Variants in KCNAB1 observed in about 807,000 individuals in gnomAD.
KCNAB1 encodes voltage-gated potassium channel subunit beta-1.
In KCNAB1, 35 loss-of-function variants were observed where a neutral mutation model predicts 64.6. The observed-to-expected ratio is 0.54, with a 90% CI of 0.41 to 0.72. The LOEUF (loss-of-function observed/expected upper bound fraction) is 0.72. Ranked by LOEUF, KCNAB1 falls within the 30% of genes least tolerant of loss-of-function variation. The pLI is 0.00. For synonymous variants in KCNAB1, 177 were observed against 183.8 expected, an observed-to-expected ratio of 0.96 and a Z score of 0.30; for missense variants, 401 against 512.9, an observed-to-expected ratio of 0.78 and a Z score of 2.11.
chr3:156,393,591 T>C (rs1713205818), intron 1 of KCNAB1, among the ~76,000 whole-genome samples: 1 of 152,222 alleles, frequency 6.6e-6, no homozygotes, highest in African/African-American at 2.4e-5. Flanking sequence ...GCAGGCTTTT[T>C]CAACGTGAGA....
chr3:156,179,072 C>T (rs1712603319), intron 1 of KCNAB1, among the ~76,000 whole-genome samples: 1 of 151,276 alleles, frequency 6.6e-6, no homozygotes, highest in Admixed American at 6.6e-5. Context: ...ATGTGCTTCT[C>T]CACTCCAGTG....
chr3:156,510,066 C>T (rs958434332), intron 8 of KCNAB1, among the ~76,000 whole-genome samples: 4 of 152,194 alleles, frequency 2.6e-5, no homozygotes, highest in African/African-American at 9.7e-5. Flanking sequence ...GCAATTTCTC[C>T]CTGCTTTTGA....
At chr3:156,395,768 A>G (rs1236610484) in intron 1 of KCNAB1, among the ~76,000 whole-genome samples, 2 of 151,948 alleles carry the variant, frequency 1.3e-5, no homozygotes, top group Non-Finnish European at 2.9e-5. Flanking sequence ...CTCTCTTTGG[A>G]TTTAAATATG....
At chr3:156,256,349 T>G (rs1718100646) in intron 1 of KCNAB1, among the ~76,000 whole-genome samples, 1 of 152,256 alleles carries the variant, frequency 6.6e-6, no homozygotes, top group African/African-American at 2.4e-5. Context: ...AGAATGGCAC[T>G]ATCCCGTTCA....
chr3:156,416,120 C>T (rs1715056005), intron 1 of KCNAB1, among the ~76,000 whole-genome samples: 1 of 152,194 alleles, frequency 6.6e-6, no homozygotes, highest in African/African-American at 2.4e-5. Flanking sequence ...CCATCCTCTC[C>T]ACTCCACTAA....
chr3:156,476,832 T>C (rs902221389), intron 8 of KCNAB1, among the ~76,000 whole-genome samples: 7 of 152,188 alleles, frequency 4.6e-5, no homozygotes, highest in Non-Finnish European at 7.3e-5. Flanking sequence ...TAGTCTGCAA[T>C]AGTGTCAAGT....
At chr3:156,410,263 G>A (rs7642628) in intron 1 of KCNAB1, among the ~76,000 whole-genome samples, 1 of 151,886 alleles carries the variant, frequency 6.6e-6, no homozygotes, top group Non-Finnish European at 1.5e-5. Flanking sequence ...CTCATAACCC[G>A]GTGAAAAACA....
intron 1 of KCNAB1, among the ~76,000 whole-genome samples, chr3:156,367,277 G>A (rs980810982): frequency 8.1e-5 from 12 of 148,128 alleles, no homozygotes; most frequent in South Asian, 2.2e-4. Context: ...CTGGGTTCAC[G>A]CCATTCTCCT....
Position 156,146,566 on chromosome 3 carries a change from AGC to A in KCNAB1, c.275+25681_275+25682del, listed in dbSNP as rs566256183. ...AGAAACTTAAACAGATATAAAATGA[AGC>A]TCTAATCCAGGGACAACACTTTTCC... On this transcript the variant is annotated intron_variant, in intron 1 of 13. Transcript: ENST00000490337. 2.2e-3 allele frequency among the ~76,000 whole-genome samples: 334 copies of A among 152,328 alleles called. 2 individuals carry two copies. The highest frequency in any genetic ancestry group is 7.6e-3 in the African/African-American group (317 of 41,572).
At chr3:156,245,986 G>T (rs1333463477) in intron 1 of KCNAB1, among the ~76,000 whole-genome samples, 2 of 148,912 alleles carry the variant, frequency 1.3e-5, no homozygotes, top group African/African-American at 5.0e-5. Context: ...AAAAAAAAAA[G>T]ACTAACAGCA....
At chr3:156,229,094 A>G (rs1050187591) in intron 1 of KCNAB1, among the ~76,000 whole-genome samples, 1 of 152,172 alleles carries the variant, frequency 6.6e-6, no homozygotes, top group African/African-American at 2.4e-5. Flanking sequence ...GAGAGGTTTG[A>G]AACTCTGTTT....
intron 1 of KCNAB1, among the ~76,000 whole-genome samples, chr3:156,265,931 G>A (rs1465847741): frequency 6.6e-6 from 1 of 152,234 alleles, no homozygotes; most frequent in African/African-American, 2.4e-5. Flanking sequence ...GGCGGAGGTT[G>A]CAGTGAGTCG....
At position 156,388,353 on chromosome 3, in the gene KCNAB1, T is replaced by C. The variant is rs138191043; in HGVS notation, c.276-33263T>C. 1.6e-4 allele frequency among the ~76,000 whole-genome samples: 24 copies of C among 152,340 alleles called. No individual in the cohort carries two copies. In the East Asian group the frequency reaches 4.4e-3, roughly 28 times the overall value. Reference sequence around the variant, plus strand: ...GTTGATGAAGGCTCTGAGCTGGGACTGTGAGAGCCCCTTCAAGGAGCAAAG... The same window carrying C: ...GTTGATGAAGGCTCTGAGCTGGGACCGTGAGAGCCCCTTCAAGGAGCAAAG... On this transcript the variant is annotated intron_variant, in intron 1 of 13. Transcript: ENST00000490337.
At chr3:156,490,758 A>T (rs1182394107) in intron 8 of KCNAB1, among the ~76,000 whole-genome samples, 1 of 152,158 alleles carries the variant, frequency 6.6e-6, no homozygotes, top group Non-Finnish European at 1.5e-5. Flanking sequence ...GAGAGAACAG[A>T]TAAAATGGAG....
chr3:156,413,026 C>G (rs1207113327), intron 1 of KCNAB1, among the ~76,000 whole-genome samples: 2 of 152,196 alleles, frequency 1.3e-5, no homozygotes, highest in Non-Finnish European at 2.9e-5. Flanking sequence ...AAAGTAGAGT[C>G]AAGCCTGAAC....
chr3:156,454,120 C>T (rs143800865), intron 3 of KCNAB1, among the ~76,000 whole-genome samples: 9 of 152,348 alleles, frequency 5.9e-5, no homozygotes, highest in Admixed American at 1.3e-4. Context: ...CTGTATTGGG[C>T]ACATGTCACC....
At chr3:156,388,380 GC>G (rs1712772649) in intron 1 of KCNAB1, among the ~76,000 whole-genome samples, 1 of 152,206 alleles carries the variant, frequency 6.6e-6, no homozygotes, top group Non-Finnish European at 1.5e-5. Context: ...GGAGCAAAGA[GC>G]CTCACAGAGC....
intron 1 of KCNAB1, among the ~76,000 whole-genome samples, chr3:156,302,592 A>G (rs1721228566): frequency 6.6e-6 from 1 of 152,212 alleles, no homozygotes; most frequent in South Asian, 2.1e-4. Context: ...TGAATCAGAA[A>G]TAAAACTCTC....
At chr3:156,284,596 C>T (rs955750588) in intron 1 of KCNAB1, among the ~76,000 whole-genome samples, 12 of 152,216 alleles carry the variant, frequency 7.9e-5, no homozygotes, top group Non-Finnish European at 1.2e-4. Flanking sequence ...TGATCTCAGA[C>T]TGCTGTGCTA....
Sources: gnomAD v4.1 joint callset for allele counts (sites outside exome capture counted in the v4.1 genomes callset) on GRCh38, gnomAD v4.1.1 for gene constraint, MANE v1.5 for transcripts, NCBI Gene and HGNC (gene_info 2026-07-23, HGNC 2026-07-21) for gene names.